TUSC3: variants seen among roughly 807,000 people sequenced by gnomAD.
The protein encoded by TUSC3 is dolichyl-diphosphooligosaccharide--protein glycosyltransferase subunit TUSC3.
A neutral mutation model predicts 44.8 loss-of-function variants in TUSC3; 45 were observed. The ratio of observed to expected loss-of-function variants is 1.00; its 90% CI spans 0.79 to 1.29. The LOEUF is 1.29. Among genes scored for constraint, TUSC3 ranks in the 50% most tolerant of loss-of-function variants. The pLI is 0.00. For synonymous variants in TUSC3, 212 were observed against 152.9 expected, an observed-to-expected ratio of 1.39 and a Z score of -2.85; for missense variants, 519 against 437.9, an observed-to-expected ratio of 1.19 and a Z score of -1.65.
the TUSC3 span, among the ~76,000 whole-genome samples, chr8:15,801,872 C>G: frequency 0.049 from 7,408 of 152,236 alleles, 212 homozygotes; most frequent in African/African-American, 0.073. Context: ...TGAAGGCTAT[C>G]GTGGGGATTT....
At chr8:15,760,446 G>A (rs1194389257) in intron 10 of TUSC3, among the ~76,000 whole-genome samples, 1 of 152,118 alleles carries the variant, frequency 6.6e-6, no homozygotes, top group Non-Finnish European at 1.5e-5. Context: ...ACTATTTTAA[G>A]TTTTATGCCA....
intron 1 of TUSC3, among the ~76,000 whole-genome samples, chr8:15,433,497 A>G (rs1799904053): frequency 1.3e-5 from 2 of 151,918 alleles, no homozygotes; most frequent in Admixed American, 1.3e-4. Flanking sequence ...TATTCCTCAA[A>G]TTTCCCTTTA....
At chr8:15,816,428 T>C in the TUSC3 span, among the ~76,000 whole-genome samples, 2 of 152,190 alleles carry the variant, frequency 1.3e-5, no homozygotes, top group African/African-American at 2.4e-5. Flanking sequence ...TTAATAATTC[T>C]GATAGTAAAA....
intron 7 of TUSC3, among the ~76,000 whole-genome samples, chr8:15,742,446 T>A (rs1039915266): frequency 6.6e-6 from 1 of 152,198 alleles, no homozygotes; most frequent in African/African-American, 2.4e-5. Flanking sequence ...CAGATTCAAA[T>A]ATGAACATTA....
chr8:15,546,787 G>A (rs1485060846), intron 1 of TUSC3, among the ~76,000 whole-genome samples: 1 of 151,474 alleles, frequency 6.6e-6, no homozygotes, highest in African/African-American at 2.4e-5. Flanking sequence ...TGCCCGTCTC[G>A]GCCTCCCCAA....
the TUSC3 span, among the ~76,000 whole-genome samples, chr8:15,792,497 A>C: frequency 2.6e-5 from 4 of 152,352 alleles, no homozygotes; most frequent in African/African-American, 9.6e-5. Context: ...AGCCATAATG[A>C]GAAGTCTCAT....
At chr8:15,491,971 T>C (rs927600618) in intron 2 of TUSC3, among the ~76,000 whole-genome samples, 3 of 152,242 alleles carry the variant, frequency 2.0e-5, no homozygotes, top group South Asian at 2.1e-4. Context: ...TAACTACTTA[T>C]AGTTACCTCA....
chr8:15,560,992 C>T (rs556621131), intron 1 of TUSC3, among the ~76,000 whole-genome samples: 38 of 129,926 alleles, frequency 2.9e-4, no homozygotes, highest in Admixed American at 2.1e-3. Flanking sequence ...CTGAAGCCTT[C>T]TTCTCTCAGC....
chr8:15,571,070 C>T (rs1018359404), intron 1 of TUSC3, among the ~76,000 whole-genome samples: 1 of 148,788 alleles, frequency 6.7e-6, no homozygotes, highest in Non-Finnish European at 1.5e-5. Context: ...GATTCTCCTG[C>T]CCCAGCCAGA....
intron 4 of TUSC3, among the ~76,000 whole-genome samples, chr8:15,660,652 A>T (rs1420860498): frequency 1.3e-5 from 2 of 151,912 alleles, no homozygotes; most frequent in Non-Finnish European, 1.5e-5. Context: ...ACATGGTACC[A>T]CTGTCATTGT....
chr8:15,767,434 GA>G (rs201749533), downstream of TUSC3, among the ~76,000 whole-genome samples: 2,777 of 132,016 alleles, frequency 0.021, 90 homozygotes, highest in African/African-American at 0.069. Context: ...AGAAAAACAG[GA>G]AAAAAAAAAA....
rs566687789 is a variant in TUSC3, at chr8:15,603,186, A to C, written c.139-19894A>C. ...AAGAACTACTACAAATTAATAAGAAAAGAGAACCCAATTGAAAAATAGATA... is the reference window on the plus strand; with the variant it reads ...AAGAACTACTACAAATTAATAAGAACAGAGAACCCAATTGAAAAATAGATA... On this transcript the variant is annotated intron_variant, in intron 1 of 10. Transcript: ENST00000503731. Among the ~76,000 whole-genome samples the C allele has an allele frequency of 2.0e-5, 3 of 151,850 alleles. No homozygotes were observed. In the South Asian group the frequency reaches 6.2e-4, roughly 31 times the overall value.
At chr8:15,738,759 T>G (rs1811042952) in intron 7 of TUSC3, among the ~76,000 whole-genome samples, 1 of 151,714 alleles carries the variant, frequency 6.6e-6, no homozygotes, top group Admixed American at 6.6e-5. Context: ...TATACTTTTA[T>G]ACATATTATA....
At chr8:15,641,212 T>C (rs183999255) in intron 2 of TUSC3, among the ~76,000 whole-genome samples, 1 of 151,144 alleles carries the variant, frequency 6.6e-6, no homozygotes, top group Admixed American at 6.6e-5. Flanking sequence ...ATAGAGAAAA[T>C]TAGCTGGGCG....
chr8:15,715,233 T>C (rs1810009474), intron 6 of TUSC3, among the ~76,000 whole-genome samples: 1 of 152,172 alleles, frequency 6.6e-6, no homozygotes. Flanking sequence ...CATACCAGGA[T>C]GAAGTTTAAT....
intron 1 of TUSC3, among the ~76,000 whole-genome samples, chr8:15,427,940 A>T (rs1799825392): frequency 1.3e-5 from 2 of 151,734 alleles, no homozygotes; most frequent in African/African-American, 4.9e-5. Flanking sequence ...AGTATGAGAT[A>T]AGGATGCAAT....
At chr8:15,555,997 TTTTA>T (rs1305557019) in intron 1 of TUSC3, among the ~76,000 whole-genome samples, 2 of 151,142 alleles carry the variant, frequency 1.3e-5, no homozygotes, top group Non-Finnish European at 3.0e-5. Context: ...TTTTTTATTT[TTTTA>T]TTTTTTATTT....
intron 6 of TUSC3, among the ~76,000 whole-genome samples, chr8:15,688,168 T>A (rs1274279249): frequency 2.0e-5 from 3 of 152,066 alleles, no homozygotes; most frequent in African/African-American, 7.2e-5. Flanking sequence ...GATATTATTT[T>A]CATCGTATCA....
At chr8:15,759,490 A>T (rs940881274) in intron 10 of TUSC3, among the ~76,000 whole-genome samples, 1 of 151,956 alleles carries the variant, frequency 6.6e-6, no homozygotes, top group African/African-American at 2.4e-5. Flanking sequence ...GATAAATAAA[A>T]AAAACAAAAC....
Sources: gnomAD v4.1 joint callset for allele counts (sites outside exome capture counted in the v4.1 genomes callset) on GRCh38, gnomAD v4.1.1 for gene constraint, MANE v1.5 for transcripts, NCBI Gene and HGNC (gene_info 2026-07-23, HGNC 2026-07-21) for gene names.